Variants in TOPBP1 observed in about 807,000 individuals in gnomAD.
TOPBP1 encodes the protein DNA topoisomerase II binding protein 1.
In TOPBP1, 28 loss-of-function variants were observed where a neutral mutation model predicts 167.7. The ratio of observed to expected loss-of-function variants is 0.17; its 90% CI spans 0.12 to 0.23. The LOEUF is 0.23. Ranked by LOEUF, TOPBP1 falls within the 10% of genes least tolerant of loss-of-function variation. TOPBP1 has a pLI of 1.00. For synonymous variants in TOPBP1, 598 were observed against 611.4 expected (o/e 0.98, Z 0.32); for missense variants, 1,554 against 1,809.6 (o/e 0.86, Z 2.56).
chr3:133,619,598 T>C (rs1006890299), intron 20 of TOPBP1, among the ~76,000 whole-genome samples: 1 of 152,170 alleles, frequency 6.6e-6, no homozygotes, highest in Non-Finnish European at 1.5e-5. Context: ...AAAATAACTT[T>C]AAGATTTTAC....
Position 133,628,574 on chromosome 3 carries a change from CCT to C in TOPBP1, c.2678_2679del (p.Glu893GlyfsTer20). The C allele has an allele frequency of 1.2e-6, 2 of 1,611,356 alleles. No homozygotes were observed. The highest frequency in any genetic ancestry group is 1.7e-6 in the Non-Finnish European group (2 of 1,178,764). Reference sequence around the variant, plus strand: ...ACTAATCCTACCTTCTCTGACTGGGCCTCTTTCAGTTGAGGGCTGGCAGAAAG... The same window carrying C: ...ACTAATCCTACCTTCTCTGACTGGGCCTTTCAGTTGAGGGCTGGCAGAAAG... ...VALSASPQLK[E>X]AQSEKEEAPK... On this transcript the variant is annotated frameshift_variant, in exon 15 of 28. Transcript: ENST00000260810. LOFTEE classifies it high-confidence loss of function.
rs1559814625 is a variant in TOPBP1 at position 133,623,411 on chromosome 3, G to A, written c.2975C>T (p.Thr992Ile). 3.1e-6 allele frequency: 5 copies of A among 1,612,976 alleles called. No individual in the cohort carries two copies. Among genetic ancestry groups the A allele is most frequent in the Non-Finnish European group, 3.4e-6 (4 of 1,179,408 alleles). ...KHLPESLYPH[T>I]YNPKMSLDIS... Reference sequence around the variant, plus strand: ...ATCCAAGCTCATTTTGGGATTATAAGTATGTGGATAAAGAGATTCAGGAAG... The same window carrying A: ...ATCCAAGCTCATTTTGGGATTATAAATATGTGGATAAAGAGATTCAGGAAG... Residue 992 changes from threonine (T) to isoleucine (I), a missense_variant, in exon 18 of 28, where the codon ACT (threonine) becomes ATT (isoleucine). Transcript: ENST00000260810.
chr3:133,646,145 C>CA lies in TOPBP1; in HGVS notation c.1505-1783dup, dbSNP rs762657845. ...CTGGTGACAGAGCAAGACTGCATCT[C>CA]AAAAAAAAAACAAAAAACTCCCTTA... On this transcript the variant is annotated intron_variant, in intron 10 of 27. Transcript: ENST00000260810. Among the ~76,000 whole-genome samples the CA allele has an allele frequency of 9.7e-4, 130 of 133,538 alleles. 1 individual carries two copies. The highest frequency in any genetic ancestry group is 6.7e-3 in the East Asian group (30 of 4,500). The allele number at this position is 133,538 out of a possible 152,430, so 87.6% of individuals were successfully genotyped here.
At chr3:133,626,525 A>C (rs1295276179) in intron 16 of TOPBP1, among the ~76,000 whole-genome samples, 1 of 152,196 alleles carries the variant, frequency 6.6e-6, no homozygotes, top group Non-Finnish European at 1.5e-5. Flanking sequence ...TTCGACATAT[A>C]AACAAGTTAT....
At chr3:133,640,790 A>T (rs749299036) in intron 12 of TOPBP1, among the ~76,000 whole-genome samples, 1 of 152,218 alleles carries the variant, frequency 6.6e-6, no homozygotes, top group South Asian at 2.1e-4. Context: ...TGACAGGAGC[A>T]AAGTGTATAA....
intron 24 of TOPBP1, 99 bp downstream of exon 24, chr3:133,612,290 T>C (rs1934708689): frequency 7.1e-7 from 1 of 1,409,798 alleles, no homozygotes; most frequent in South Asian, 1.3e-5. Flanking sequence ...TCCACCCACC[T>C]CGGCCTCCCA....
intron 16 of TOPBP1, among the ~76,000 whole-genome samples, chr3:133,625,225 A>G (rs1935230757): frequency 6.6e-6 from 1 of 152,194 alleles, no homozygotes; most frequent in Admixed American, 6.5e-5. Flanking sequence ...TTGCGCTCCC[A>G]AAGTGCTGGG....
At position 133,653,461 on chromosome 3, in the gene TOPBP1, T is replaced by G; in HGVS notation, c.806A>C (p.Asp269Ala). ...VHCVTTQWFFDSIEKGFCQDE... is the reference protein window; with the variant it reads ...VHCVTTQWFFASIEKGFCQDE... ...CTGACAAAAACCTTTCTCAATACTG[T>G]CAAAAAACCACTGTGTGGTCACACA... is the stretch of plus-strand genomic sequence containing the variant. Residue 269 changes from aspartate (D) to alanine (A), a missense_variant, in exon 7 of 28, where the codon GAC (aspartate) becomes GCC (alanine). Physicochemically the swap from Asp to Ala is moderately radical, Grantham distance 126 (BLOSUM62 -2). Transcript: ENST00000260810. 2 of 1,612,860 alleles carry G rather than the reference T, an allele frequency of 1.2e-6. No individual in the cohort carries two copies. Among genetic ancestry groups the G allele is most frequent in the South Asian group, 2.2e-5 (2 of 90,866 alleles).
chr3:133,649,990 T>C (rs371066274), intron 8 of TOPBP1, 47 bp from the exon 9 acceptor site: 11 of 1,434,470 alleles, frequency 7.7e-6, no homozygotes, highest in East Asian at 2.6e-5. Context: ...TTTCTCTCAA[T>C]AGAAAAAAAC....
At chr3:133,624,288 T>C (rs1012192222) in intron 16 of TOPBP1, 113 bp from the exon 17 acceptor site, 1 of 1,211,698 alleles carries the variant, frequency 8.3e-7, no homozygotes, top group African/African-American at 1.5e-5. Context: ...ACTTTCGGAC[T>C]AGAGTAAACA....
chr3:133,628,313 T>C (rs1223567461), intron 16 of TOPBP1, 49 bp downstream of exon 16: 11 of 1,499,366 alleles, frequency 7.3e-6, no homozygotes, highest in African/African-American at 1.4e-5. Context: ...TTAGGTTTCC[T>C]TATAAATTTC....
intron 10 of TOPBP1, among the ~76,000 whole-genome samples, 173 bp from the exon 11 acceptor site, chr3:133,644,536 AG>A (rs1936015162): frequency 6.6e-6 from 1 of 152,246 alleles, no homozygotes; most frequent in Non-Finnish European, 1.5e-5. Context: ...GGTTACCAAG[AG>A]TCCTTATCAG....
At chr3:133,627,248 C>T (rs1484879891) in intron 16 of TOPBP1, among the ~76,000 whole-genome samples, 2 of 151,978 alleles carry the variant, frequency 1.3e-5, no homozygotes, top group East Asian at 1.9e-4. Flanking sequence ...AACATACATC[C>T]TATATGTTCC....
intron 27 of TOPBP1, among the ~76,000 whole-genome samples, chr3:133,603,453 C>T (rs1275347762): frequency 6.6e-6 from 1 of 152,100 alleles, no homozygotes; most frequent in Non-Finnish European, 1.5e-5. Flanking sequence ...CAAGGCCCAA[C>T]TATATCCTAT....
chr3:133,655,471 A>G lies in TOPBP1; in HGVS notation c.561T>C (p.Tyr187=), dbSNP rs759264987. The change falls in exon 6 of 28, where the codon TAT becomes TAC. Residue 187 remains tyrosine (Y), a synonymous_variant. Transcript: ENST00000260810. ...TGAAATCTTCCATGTTTATATCAGT[A>G]TATCTAGTTATTTTTCTGTGGGAAT... ...EKSQEKKITR[Y]TDINMEDFKC... is the part of the protein sequence containing the mutation. The G allele has an allele frequency of 3.3e-6, 5 of 1,505,778 alleles. No individual in the cohort carries two copies. Among genetic ancestry groups the G allele is most frequent in the African/African-American group, 1.4e-5 (1 of 70,224 alleles). 93.3% of individuals were successfully genotyped at this position (1,505,778 alleles called of 1,614,324 possible).
chr3:133,631,730 C>T (rs946479669), intron 14 of TOPBP1, among the ~76,000 whole-genome samples: 5 of 152,148 alleles, frequency 3.3e-5, no homozygotes, highest in Admixed American at 2.0e-4. Flanking sequence ...TCTCTGCCTC[C>T]TGGTTCAAGT....
intron 10 of TOPBP1, 75 bp from the exon 11 acceptor site, chr3:133,644,438 G>A (rs1294815666): frequency 1.6e-6 from 2 of 1,288,188 alleles, no homozygotes; most frequent in Non-Finnish European, 1.1e-6. Context: ...GGATATTAAC[G>A]TAACATGGAA....
At chr3:133,631,224 T>C (rs1385761147) in intron 14 of TOPBP1, among the ~76,000 whole-genome samples, 1 of 152,202 alleles carries the variant, frequency 6.6e-6, no homozygotes, top group African/African-American at 2.4e-5. Context: ...CTAAAAAGTA[T>C]TCTGATGTAA....
At chr3:133,647,144 CCAA>C (rs946622183) in intron 10 of TOPBP1, among the ~76,000 whole-genome samples, 39 of 152,258 alleles carry the variant, frequency 2.6e-4, no homozygotes, top group Admixed American at 2.2e-3. Context: ...AACCAACCAA[CCAA>C]CAACAAATCT....
Sources: allele counts gnomAD v4.1 joint callset (sites outside exome capture counted in the v4.1 genomes callset), GRCh38; gene constraint gnomAD v4.1.1; transcripts MANE v1.5; gene names NCBI Gene and HGNC (gene_info 2026-07-23, HGNC 2026-07-21).